The following SLC67A2 variants were observed in gnomAD, a reference collection of about 807,000 sequenced individuals.
The protein encoded by SLC67A2 is solute carrier family 67 member A2.
chr2:102,725,775 T>C, the SLC67A2 span, among the ~76,000 whole-genome samples: 1 of 152,198 alleles, frequency 6.6e-6, no homozygotes, highest in African/African-American at 2.4e-5. Flanking sequence ...AGAAATGGTG[T>C]GGAAATCCCA....
At chr2:102,716,861 C>G in the SLC67A2 span, 1 of 152,230 alleles carries the variant, frequency 6.6e-6, no homozygotes, top group Non-Finnish European at 1.5e-5. Flanking sequence ...GTCATCCTGC[C>G]TGGCATATGT....
the SLC67A2 span, chr2:102,736,868 A>AGCCCC: frequency 1.3e-6 from 2 of 1,506,262 alleles, no homozygotes; most frequent in Non-Finnish European, 8.8e-7. Flanking sequence ...CCGGGAGCCC[A>AGCCCC]GCCCCGCCCC....
chr2:102,721,873 TA>T, the SLC67A2 span, among the ~76,000 whole-genome samples: 1 of 151,836 alleles, frequency 6.6e-6, no homozygotes, highest in Non-Finnish European at 1.5e-5. Context: ...CCTGGATAAT[TA>T]AAAAAAAATT....
the SLC67A2 span, among the ~76,000 whole-genome samples, chr2:102,727,158 T>C: frequency 6.6e-6 from 1 of 151,642 alleles, no homozygotes; most frequent in Admixed American, 6.6e-5. Flanking sequence ...ACACAGTGAA[T>C]GGAAAAACAC....
chr2:102,722,361 G>C, the SLC67A2 span, among the ~76,000 whole-genome samples: 1 of 152,212 alleles, frequency 6.6e-6, no homozygotes. Flanking sequence ...TATGGAGGAA[G>C]GCAGAGAGAG....
the SLC67A2 span, among the ~76,000 whole-genome samples, chr2:102,734,372 C>T: frequency 6.6e-6 from 1 of 152,054 alleles, no homozygotes; most frequent in Non-Finnish European, 1.5e-5. Context: ...ACAAAACGGG[C>T]CTCAAGGGTC....
the SLC67A2 span, among the ~76,000 whole-genome samples, chr2:102,722,780 C>T: frequency 3.9e-4 from 59 of 152,058 alleles, 1 homozygote; most frequent in Non-Finnish European, 6.8e-4. Context: ...CTACCTGAAA[C>T]GAAAAAGCTT....
the SLC67A2 span, chr2:102,736,507 T>G: frequency 4.5e-6 from 7 of 1,568,568 alleles, no homozygotes; most frequent in Non-Finnish European, 5.2e-6. Context: ...AGAGGAGAGC[T>G]TGATAGGTAG....
the SLC67A2 span, among the ~76,000 whole-genome samples, chr2:102,735,888 T>C: frequency 9.9e-5 from 15 of 151,742 alleles, no homozygotes; most frequent in African/African-American, 3.6e-4. Flanking sequence ...CAAACCGCCA[T>C]TGTGCAATGC....
chr2:102,719,002 C>T, the SLC67A2 span: 2 of 1,614,214 alleles, frequency 1.2e-6, no homozygotes, highest in East Asian at 2.2e-5. Flanking sequence ...TTTCGGAAAA[C>T]AGCAGGTTCT....
chr2:102,718,614 G>C, the SLC67A2 span: 3 of 1,613,700 alleles, frequency 1.9e-6, no homozygotes, highest in Non-Finnish European at 2.5e-6. Flanking sequence ...ACGCCAATAA[G>C]GGTGCCGCTG....
At chr2:102,717,606 C>G in the SLC67A2 span, 15 of 152,328 alleles carry the variant, frequency 9.8e-5, no homozygotes, top group African/African-American at 3.6e-4. Context: ...CCCAGGGGCC[C>G]GCTGCTCCAT....
chr2:102,730,939 C>A, the SLC67A2 span: 1 of 1,121,540 alleles, frequency 8.9e-7, no homozygotes, highest in Admixed American at 1.8e-5. Flanking sequence ...AAGGTGTTCT[C>A]ATCCCAAATC....
the SLC67A2 span, among the ~76,000 whole-genome samples, chr2:102,721,829 C>A: frequency 6.6e-6 from 1 of 152,230 alleles, no homozygotes; most frequent in African/African-American, 2.4e-5. Flanking sequence ...CTCAGCCTCT[C>A]GAGGATCTGG....
chr2:102,723,469 CA>C, the SLC67A2 span, among the ~76,000 whole-genome samples: 1 of 149,888 alleles, frequency 6.7e-6, no homozygotes, highest in Non-Finnish European at 1.5e-5. Flanking sequence ...AACTTGGTCT[CA>C]AAAAAGAAAA....
chr2:102,729,699 A>G, the SLC67A2 span, among the ~76,000 whole-genome samples: 2,325 of 152,290 alleles, frequency 0.015, 69 homozygotes, highest in African/African-American at 0.053. Flanking sequence ...GAAATTAGGT[A>G]GCTTAGTCAA....
chr2:102,730,998 T>C, the SLC67A2 span: 1 of 1,608,838 alleles, frequency 6.2e-7, no homozygotes, highest in South Asian at 1.1e-5. Context: ...ACATCTGTGA[T>C]GGATGAGACA....
the SLC67A2 span, chr2:102,731,114 C>A: frequency 6.6e-7 from 1 of 1,526,678 alleles, no homozygotes. Flanking sequence ...AGAGCTATCA[C>A]AAAAATGGAT....
the SLC67A2 span, chr2:102,736,626 GC>G: frequency 6.2e-7 from 1 of 1,613,782 alleles, no homozygotes; most frequent in South Asian, 1.1e-5. Context: ...CTTGCTCCCA[GC>G]CCCCACGCTC....
Sources: gnomAD v4.1 joint callset for allele counts (sites outside exome capture counted in the v4.1 genomes callset) on GRCh38, gnomAD v4.1.1 for gene constraint, MANE v1.5 for transcripts, NCBI Gene and HGNC (gene_info 2026-07-23, HGNC 2026-07-21) for gene names.